The following IRAK1BP1 variants were observed in gnomAD, a reference collection of about 807,000 sequenced individuals.
IRAK1BP1 encodes interleukin 1 receptor associated kinase 1 binding protein 1.
IRAK1BP1 carries 24 observed loss-of-function variants against 28.0 expected under a neutral mutation model. The ratio of observed to expected loss-of-function variants is 0.86; its 90% CI spans 0.62 to 1.20. The LOEUF is 1.20. IRAK1BP1 is among the 50% of genes most tolerant of loss of function. IRAK1BP1 has a pLI of 0.00. For synonymous variants in IRAK1BP1, 131 were observed against 116.3 expected (o/e 1.13, Z -0.81); for missense variants, 336 against 316.7 (o/e 1.06, Z -0.46).
At chr6:78,932,698 C>T (rs965296619) in intron 4 of IRAK1BP1, among the ~76,000 whole-genome samples, 2 of 151,986 alleles carry the variant, frequency 1.3e-5, no homozygotes, top group African/African-American at 2.4e-5. Flanking sequence ...GGATTACAGG[C>T]GTGAGCCACT....
At chr6:78,938,610 T>A (rs1773358094) in intron 4 of IRAK1BP1, 1 of 151,732 alleles carries the variant, frequency 6.6e-6, no homozygotes, top group Non-Finnish European at 1.5e-5. Flanking sequence ...AAGACTCATT[T>A]TTCTATACAA....
intron 1 of IRAK1BP1, 142 bp downstream of exon 1, chr6:78,868,033 C>T (rs992765901): frequency 3.5e-6 from 3 of 848,264 alleles, no homozygotes; most frequent in Non-Finnish European, 5.3e-6. Context: ...AAAGGTACTC[C>T]GGGACGCCAG....
At chr6:78,868,795 A>C (rs145265859) in intron 1 of IRAK1BP1, among the ~76,000 whole-genome samples, 1 of 152,336 alleles carries the variant, frequency 6.6e-6, no homozygotes, top group Non-Finnish European at 1.5e-5. Flanking sequence ...GAATGAAAGA[A>C]AATTAGAAAT....
chr6:78,961,652 G>T, the IRAK1BP1 span: 3 of 1,598,276 alleles, frequency 1.9e-6, no homozygotes, highest in South Asian at 1.1e-5. Context: ...AAGATCACCA[G>T]CTTTCCTTTG....
At chr6:78,911,658 A>G (rs1479335834) in intron 4 of IRAK1BP1, among the ~76,000 whole-genome samples, 1 of 152,222 alleles carries the variant, frequency 6.6e-6, no homozygotes, top group Non-Finnish European at 1.5e-5. Context: ...AATGTAGTCA[A>G]GATCACTACT....
chr6:78,882,743 C>G (rs1239978334), intron 1 of IRAK1BP1, among the ~76,000 whole-genome samples: 1 of 152,040 alleles, frequency 6.6e-6, no homozygotes, highest in Non-Finnish European at 1.5e-5. Flanking sequence ...TGGATTTGAT[C>G]CTGTGGTAGT....
intron 4 of IRAK1BP1, among the ~76,000 whole-genome samples, chr6:78,931,430 T>C (rs1773041865): frequency 6.6e-6 from 1 of 152,006 alleles, no homozygotes; most frequent in Non-Finnish European, 1.5e-5. Flanking sequence ...GAAAAAGAAG[T>C]AGGGTATTTT....
At chr6:78,921,986 G>C (rs1772746716) in intron 4 of IRAK1BP1, among the ~76,000 whole-genome samples, 1 of 152,158 alleles carries the variant, frequency 6.6e-6, no homozygotes, top group Non-Finnish European at 1.5e-5. Context: ...AAACAGAGCA[G>C]AAAAACCGAA....
At chr6:78,976,189 G>A in the IRAK1BP1 span, among the ~76,000 whole-genome samples, 1 of 149,220 alleles carries the variant, frequency 6.7e-6, no homozygotes, top group Non-Finnish European at 1.5e-5. Flanking sequence ...ATAGATCAAT[G>A]GAACAGAACA....
intron 2 of IRAK1BP1, among the ~76,000 whole-genome samples, chr6:78,889,547 A>C (rs1355236172): frequency 6.6e-6 from 1 of 151,108 alleles, no homozygotes; most frequent in Non-Finnish European, 1.5e-5. Context: ...GCTAATATGC[A>C]GAATCTACAA....
intron 1 of IRAK1BP1, among the ~76,000 whole-genome samples, chr6:78,884,781 TA>T (rs1459235085): frequency 1.3e-5 from 2 of 152,156 alleles, no homozygotes; most frequent in Non-Finnish European, 2.9e-5. Flanking sequence ...AAATATTTTT[TA>T]AAACACTGAC....
intron 4 of IRAK1BP1, among the ~76,000 whole-genome samples, chr6:78,915,003 AG>A (rs5877633): frequency 0.11 from 17,338 of 152,048 alleles, 1,227 homozygotes; most frequent in African/African-American, 0.18. Flanking sequence ...TATTTTTAGT[AG>A]AGACAGGGTT....
the IRAK1BP1 span, chr6:78,969,717 T>G: frequency 1.1e-5 from 6 of 544,458 alleles, no homozygotes; most frequent in African/African-American, 5.8e-5. Context: ...TTAACATTCC[T>G]ACAAATAGCA....
chr6:78,970,234 T>C, the IRAK1BP1 span: 5 of 1,438,758 alleles, frequency 3.5e-6, no homozygotes, highest in Non-Finnish European at 4.8e-6. Context: ...AATAGACTGC[T>C]AAACATTGTT....
chr6:78,945,351 C>G, intron 4 of IRAK1BP1: 1 of 1,613,760 alleles, frequency 6.2e-7, no homozygotes, highest in Non-Finnish European at 8.5e-7. Context: ...TTTGGGAGTA[C>G]AGATGACTTC....
At chr6:78,894,464 CTA>C (rs977412241) in intron 2 of IRAK1BP1, among the ~76,000 whole-genome samples, 2 of 151,858 alleles carry the variant, frequency 1.3e-5, no homozygotes, top group African/African-American at 4.8e-5. Flanking sequence ...AGAGCAAAGA[CTA>C]TGAAAGATAA....
intron 1 of IRAK1BP1, among the ~76,000 whole-genome samples, chr6:78,869,566 G>A (rs1230274746): frequency 6.6e-6 from 1 of 152,140 alleles, no homozygotes; most frequent in Non-Finnish European, 1.5e-5. Flanking sequence ...GAGTAATCAA[G>A]ATTCAGTGTT....
intron 2 of IRAK1BP1, among the ~76,000 whole-genome samples, chr6:78,894,181 T>A (rs558877351): frequency 6.6e-6 from 1 of 152,000 alleles, no homozygotes; most frequent in Non-Finnish European, 1.5e-5. Context: ...AATAAAAATA[T>A]CAAAAAGAAA....
intron 2 of IRAK1BP1, among the ~76,000 whole-genome samples, chr6:78,891,849 T>G (rs1354133794): frequency 6.6e-6 from 1 of 152,110 alleles, no homozygotes; most frequent in African/African-American, 2.4e-5. Flanking sequence ...CTCATATAGT[T>G]TTCTCCCCCT....
Sources: allele counts gnomAD v4.1 joint callset (sites outside exome capture counted in the v4.1 genomes callset), GRCh38; gene constraint gnomAD v4.1.1; transcripts MANE v1.5; gene names NCBI Gene and HGNC (gene_info 2026-07-23, HGNC 2026-07-21).